TPRG1: variants seen among roughly 807,000 people sequenced by gnomAD.
TPRG1 encodes tumor protein p63-regulated gene 1 protein.
In TPRG1, 29 loss-of-function variants were observed where a neutral mutation model predicts 29.3. The ratio of observed to expected loss-of-function variants is 0.99; its 90% CI spans 0.74 to 1.35. The LOEUF (loss-of-function observed/expected upper bound fraction) is 1.35. Ranked by LOEUF, TPRG1 falls within the 40% of genes most tolerant of loss-of-function variation. TPRG1 has a pLI of 0.00. For synonymous variants in TPRG1, 130 were observed against 116.8 expected, an observed-to-expected ratio of 1.11 and a Z score of -0.73; for missense variants, 327 against 335.0, an observed-to-expected ratio of 0.98 and a Z score of 0.19.
chr3:189,239,033 A>G (rs16864142), intron 4 of TPRG1, 124 bp downstream of exon 4: 129,961 of 770,950 alleles, frequency 0.17, 13,464 homozygotes, highest in South Asian at 0.32. Context: ...TGAAATCATG[A>G]AAGTTGAAAT....
intron 4 of TPRG1, among the ~76,000 whole-genome samples, chr3:189,087,572 G>C (rs1384554930): frequency 6.6e-6 from 1 of 152,164 alleles, no homozygotes; most frequent in African/African-American, 2.4e-5. Context: ...TAGACATTAA[G>C]TACTTGCCCA....
At chr3:189,124,687 A>G (rs900222995) in intron 1 of TPRG1, among the ~76,000 whole-genome samples, 2 of 152,130 alleles carry the variant, frequency 1.3e-5, no homozygotes, top group Non-Finnish European at 2.9e-5. Flanking sequence ...TGAGGAAACT[A>G]TTTATCTTAC....
chr3:189,050,367 C>A (rs754808725), intron 4 of TPRG1, among the ~76,000 whole-genome samples: 13 of 152,122 alleles, frequency 8.5e-5, no homozygotes, highest in Admixed American at 6.5e-4. Context: ...GAAAATACAA[C>A]CTTCCTAGCT....
chr3:189,270,017 ATCTTCTTCTTCT>A (rs72453037), intron 4 of TPRG1, among the ~76,000 whole-genome samples: 17,479 of 148,738 alleles, frequency 0.12, 1,054 homozygotes, highest in African/African-American at 0.16. Context: ...TCTTCTCTGG[ATCTTCTTCTTCT>A]TCTTCTTCTT....
intron 2 of TPRG1, chr3:189,212,090 TA>T (rs1444529696): frequency 6.6e-6 from 1 of 152,144 alleles, no homozygotes; most frequent in Non-Finnish European, 1.5e-5. Context: ...AAGATATTTT[TA>T]AACTCTCTGT....
At chr3:189,316,201 T>C (rs1003778380) in intron 5 of TPRG1, among the ~76,000 whole-genome samples, 1 of 152,120 alleles carries the variant, frequency 6.6e-6, no homozygotes, top group Non-Finnish European at 1.5e-5. Context: ...AAACCTCTCT[T>C]GTGCAAGAAA....
intron 4 of TPRG1, among the ~76,000 whole-genome samples, chr3:189,276,047 CAA>C (rs943274106): frequency 6.6e-6 from 1 of 150,812 alleles, no homozygotes; most frequent in Non-Finnish European, 1.5e-5. Context: ...TTTCTAGATG[CAA>C]AAAAAATGAG....
intron 5 of TPRG1, among the ~76,000 whole-genome samples, chr3:189,317,740 T>A (rs184171386): frequency 6.6e-6 from 1 of 152,310 alleles, no homozygotes; most frequent in East Asian, 1.9e-4. Flanking sequence ...CCCAGTGAGA[T>A]ATTATCGGTT....
At position 189,284,105 on chromosome 3, in the gene TPRG1, T is replaced by G. The variant is rs1015798781; in HGVS notation, c.480-26281T>G. Among the ~76,000 whole-genome samples, 10 of 152,322 alleles carry G rather than the reference T, an allele frequency of 6.6e-5. No homozygotes were observed. The East Asian group carries it at 1.9e-3, about 29-fold the overall frequency. On this transcript the variant is annotated intron_variant, in intron 4 of 5. Transcript: ENST00000345063. Reference sequence around the variant, plus strand: ...GTAGTCTCACCCACGTTTCCCAGGTTTGGATAAATGTTTCTCCATTAAAGT... The same window carrying G: ...GTAGTCTCACCCACGTTTCCCAGGTGTGGATAAATGTTTCTCCATTAAAGT...
chr3:189,105,447 A>G (rs1048908299), intron 1 of TPRG1, among the ~76,000 whole-genome samples: 29 of 152,102 alleles, frequency 1.9e-4, no homozygotes, highest in African/African-American at 6.3e-4. Context: ...GCTCTTTTTC[A>G]TGCATTGAGG....
intron 1 of TPRG1, 113 bp from the exon 2 acceptor site, chr3:189,207,263 A>G (rs1159568076): frequency 6.9e-7 from 1 of 1,449,692 alleles, no homozygotes; most frequent in Non-Finnish European, 9.2e-7. Flanking sequence ...AACATGAAGG[A>G]TGTTTTTAAG....
chr3:189,071,067 G>GAA (rs74731300), intron 4 of TPRG1, among the ~76,000 whole-genome samples: 3 of 76,222 alleles, frequency 3.9e-5, no homozygotes, highest in Non-Finnish European at 9.9e-5. Context: ...CAAAGAAAAA[G>GAA]AAAAAAAAAA....
chr3:189,014,765 C>T (rs1055050451), intron 3 of TPRG1, among the ~76,000 whole-genome samples: 1 of 152,164 alleles, frequency 6.6e-6, no homozygotes, highest in Non-Finnish European at 1.5e-5. Flanking sequence ...TTGCCTTCCA[C>T]TATGATTGTA....
At chr3:189,146,029 G>A (rs920020262) in intron 3 of TPRG1, among the ~76,000 whole-genome samples, 3 of 152,142 alleles carry the variant, frequency 2.0e-5, no homozygotes, top group Admixed American at 1.3e-4. Context: ...GCTAAAATTG[G>A]TAGTAGTTAA....
chr3:189,241,315 G>C (rs1740546567), intron 4 of TPRG1, among the ~76,000 whole-genome samples: 1 of 152,008 alleles, frequency 6.6e-6, no homozygotes, highest in Non-Finnish European at 1.5e-5. Context: ...CTCTTATTTG[G>C]GGTTCAAATT....
chr3:189,236,832 C>T (rs1383372071), intron 3 of TPRG1, among the ~76,000 whole-genome samples: 2 of 151,972 alleles, frequency 1.3e-5, no homozygotes, highest in Non-Finnish European at 1.5e-5. Context: ...TCTCTGTGTC[C>T]TCCTATTGAT....
intron 3 of TPRG1, among the ~76,000 whole-genome samples, chr3:189,015,268 A>G (rs1712867850): frequency 6.6e-6 from 1 of 152,168 alleles, no homozygotes; most frequent in African/African-American, 2.4e-5. Context: ...TATCTGGTGG[A>G]AGAAATTTCT....
At chr3:189,207,327 G>C (rs916977265) in intron 1 of TPRG1, 49 bp from the exon 2 acceptor site, 5 of 1,599,614 alleles carry the variant, frequency 3.1e-6, no homozygotes, top group Non-Finnish European at 4.3e-6. Context: ...CTAGGACACA[G>C]GTACAGAGGT....
chr3:189,226,727 A>T (rs12487616), intron 3 of TPRG1, among the ~76,000 whole-genome samples: 18,380 of 150,306 alleles, frequency 0.12, 1,265 homozygotes, highest in Admixed American at 0.2. Context: ...GAACTATAGA[A>T]AAAATTAACA....
Sources: gnomAD v4.1 joint callset for allele counts (sites outside exome capture counted in the v4.1 genomes callset) on GRCh38, gnomAD v4.1.1 for gene constraint, MANE v1.5 for transcripts, NCBI Gene and HGNC (gene_info 2026-07-23, HGNC 2026-07-21) for gene names.